The following DOCK1 variants were observed in gnomAD, a reference collection of about 807,000 sequenced individuals.
DOCK1 encodes dedicator of cytokinesis 1, also known as dedicator of cytokinesis protein 1.
Under a neutral mutation model 262.7 loss-of-function variants are expected in DOCK1, and 138 were observed. The observed-to-expected ratio is 0.53, with a 90% CI of 0.46 to 0.61. The LOEUF (loss-of-function observed/expected upper bound fraction) is 0.61, where lower values mean the gene tolerates loss of function less well. DOCK1 is among the 20% of genes least tolerant of loss of function. The pLI is 0.00. For synonymous variants in DOCK1, 866 were observed against 867.4 expected (o/e 1.00, Z 0.03); for missense variants, 1,908 against 2,370.7 (o/e 0.80, Z 4.05).
At chr10:126,977,065 C>G (rs546599081) in intron 2 of DOCK1, among the ~76,000 whole-genome samples, 1 of 152,188 alleles carries the variant, frequency 6.6e-6, no homozygotes, top group Non-Finnish European at 1.5e-5. Flanking sequence ...TTTCCAGAAA[C>G]TAGATGGCCT....
chr10:127,191,586 A>T (rs1378944070), intron 27 of DOCK1, among the ~76,000 whole-genome samples: 1 of 152,224 alleles, frequency 6.6e-6, no homozygotes, highest in Admixed American at 6.5e-5. Context: ...AAAGATTTTT[A>T]AAAACATGAA....
intron 27 of DOCK1, among the ~76,000 whole-genome samples, chr10:127,218,408 T>A (rs2058300175): frequency 1.3e-5 from 2 of 152,318 alleles, no homozygotes; most frequent in South Asian, 4.1e-4. Context: ...GAAATCTTCT[T>A]CAATGACAAT....
intron 13 of DOCK1, among the ~76,000 whole-genome samples, chr10:127,020,840 T>G (rs1016520561): frequency 2.0e-5 from 3 of 152,156 alleles, no homozygotes; most frequent in African/African-American, 7.2e-5. Context: ...TATCACCCGG[T>G]TTTGTCACTG....
intron 27 of DOCK1, chr10:127,192,826 T>C (rs1229237436): frequency 6.6e-6 from 1 of 152,228 alleles, no homozygotes; most frequent in Non-Finnish European, 1.5e-5. Context: ...ACAACTTGTT[T>C]ACAGCAATCC....
intron 30 of DOCK1, among the ~76,000 whole-genome samples, chr10:127,340,656 A>G (rs551153554): frequency 1.3e-5 from 2 of 152,296 alleles, no homozygotes; most frequent in Admixed American, 6.5e-5. Flanking sequence ...AAAATGATCA[A>G]TTTCCTTCCT....
Position 126,905,445 on chromosome 10 carries a change from G to A in DOCK1, c.-73G>A. 1 of 463,246 alleles carries A rather than the reference G, an allele frequency of 2.2e-6. No homozygotes were observed. The highest frequency in any genetic ancestry group is 4.0e-6 in the Non-Finnish European group (1 of 251,218). 28.7% of individuals were successfully genotyped at this position (463,246 alleles called of 1,614,324 possible). ...ACTTTTTCCTCCCCATCCTGTCGCGGCTCGAAAGGAATGGAAAATGGCGGC... is the reference window on the plus strand; with the variant it reads ...ACTTTTTCCTCCCCATCCTGTCGCGACTCGAAAGGAATGGAAAATGGCGGC... On this transcript the variant is annotated 5_prime_UTR_variant, in exon 1 of 52. Transcript: ENST00000623213.
intron 23 of DOCK1, among the ~76,000 whole-genome samples, chr10:127,062,081 C>T (rs372442273): frequency 4.0e-5 from 6 of 151,892 alleles, no homozygotes; most frequent in South Asian, 4.2e-4. Flanking sequence ...GGACTACAGG[C>T]GCATGCCACC....
At chr10:127,119,748 A>C (rs955661321) in intron 25 of DOCK1, among the ~76,000 whole-genome samples, 2 of 152,242 alleles carry the variant, frequency 1.3e-5, no homozygotes, top group Non-Finnish European at 2.9e-5. Flanking sequence ...CAAACTAAAA[A>C]TTAAGAAGTA....
At chr10:127,040,238 A>C (rs2043930523) in intron 19 of DOCK1, among the ~76,000 whole-genome samples, 1 of 152,244 alleles carries the variant, frequency 6.6e-6, no homozygotes, top group African/African-American at 2.4e-5. Flanking sequence ...AAATGGTGCA[A>C]AAGTAACAAA....
chr10:127,095,661 C>CTGTGTG (rs61224822), intron 23 of DOCK1, among the ~76,000 whole-genome samples: 54,281 of 147,952 alleles, frequency 0.37, 9,768 homozygotes, highest in Middle Eastern at 0.48. Context: ...GGCCAGGAAG[C>CTGTGTG]TGTGTGTGTG....
intron 25 of DOCK1, among the ~76,000 whole-genome samples, chr10:127,124,305 G>A (rs927565029): frequency 5.3e-5 from 8 of 152,120 alleles, no homozygotes; most frequent in African/African-American, 1.9e-4. Context: ...CCTGAAAACC[G>A]GCTAAGTCTG....
intron 31 of DOCK1, among the ~76,000 whole-genome samples, chr10:127,345,688 G>GC (rs2063600614): frequency 1.3e-5 from 2 of 152,208 alleles, no homozygotes; most frequent in Admixed American, 1.3e-4. Context: ...AGCAGCTGCA[G>GC]CCCACCACCT....
At chr10:127,018,161 G>A (rs2042153230) in intron 12 of DOCK1, among the ~76,000 whole-genome samples, 1 of 152,216 alleles carries the variant, frequency 6.6e-6, no homozygotes, top group Admixed American at 6.5e-5. Flanking sequence ...GGGCTCCACA[G>A]GCTGCACCTG....
At chr10:127,425,415 T>G (rs907087324) in intron 46 of DOCK1, among the ~76,000 whole-genome samples, 1 of 152,180 alleles carries the variant, frequency 6.6e-6, no homozygotes, top group African/African-American at 2.4e-5. Context: ...AAGAATAAAT[T>G]TGGTTTTCAC....
At chr10:127,077,727 G>A (rs1486389539) in intron 23 of DOCK1, among the ~76,000 whole-genome samples, 2 of 152,192 alleles carry the variant, frequency 1.3e-5, no homozygotes, top group Non-Finnish European at 2.9e-5. Flanking sequence ...GACAGATTGT[G>A]TGGTACATCA....
chr10:127,186,514 C>CCCCCCCCCCCCCCCCCCCCCCCA (rs2056267886), intron 27 of DOCK1, among the ~76,000 whole-genome samples: 1 of 26,696 alleles, frequency 3.7e-5, no homozygotes, highest in African/African-American at 7.0e-5. Context: ...ACCGCCCCCC[C>CCCCCCCCCCCCCCCCCCCCCCCA]GCCCCCCCCC....
At chr10:127,294,094 G>C (rs1314008018) in intron 29 of DOCK1, among the ~76,000 whole-genome samples, 1 of 152,120 alleles carries the variant, frequency 6.6e-6, no homozygotes, top group Non-Finnish European at 1.5e-5. Flanking sequence ...GTGACCACTT[G>C]TCTCAGCCCA....
intron 32 of DOCK1, among the ~76,000 whole-genome samples, chr10:127,358,604 T>C (rs985468884): frequency 9.9e-5 from 15 of 152,176 alleles, no homozygotes; most frequent in Non-Finnish European, 2.1e-4. Flanking sequence ...AAGATCTTTA[T>C]CCACCGCGTT....
At chr10:127,338,404 A>G (rs1343855510) in intron 29 of DOCK1, among the ~76,000 whole-genome samples, 1 of 152,252 alleles carries the variant, frequency 6.6e-6, no homozygotes, top group Non-Finnish European at 1.5e-5. Context: ...TTTATCAATG[A>G]ATCAAGAAAT....
Sources: gnomAD v4.1 joint callset for allele counts (sites outside exome capture counted in the v4.1 genomes callset) on GRCh38, gnomAD v4.1.1 for gene constraint, MANE v1.5 for transcripts, NCBI Gene and HGNC (gene_info 2026-07-23, HGNC 2026-07-21) for gene names.